NPEPPS: variants seen among roughly 807,000 people sequenced by gnomAD.
The protein encoded by NPEPPS is puromycin-sensitive aminopeptidase.
A neutral mutation model predicts 115.5 loss-of-function variants in NPEPPS; 14 were observed. The observed-to-expected ratio is 0.12, with a 90% CI of 0.08 to 0.19. The LOEUF (loss-of-function observed/expected upper bound fraction) is 0.19, where lower values mean the gene tolerates loss of function less well. Among genes scored for constraint, NPEPPS ranks in the 10% least tolerant of loss-of-function variants. The probability of loss-of-function intolerance (pLI) is 1.00; values close to 1 mark genes in which losing one functional copy is unlikely to be tolerated. For missense variants in NPEPPS, 523 were observed against 1,110.8 expected, an observed-to-expected ratio of 0.47 and a Z score of 7.52; for synonymous variants, 285 against 390.6, an observed-to-expected ratio of 0.73 and a Z score of 3.19.
intron 3 of NPEPPS, among the ~76,000 whole-genome samples, chr17:47,574,597 G>A (rs890020367): frequency 1.1e-4 from 17 of 151,918 alleles, no homozygotes; most frequent in Admixed American, 5.9e-4. Flanking sequence ...AACCTTTTGA[G>A]GTAGATTTGT....
upstream of NPEPPS, among the ~76,000 whole-genome samples, chr17:47,528,320 G>A (rs1907522037): frequency 6.6e-6 from 1 of 151,976 alleles, no homozygotes; most frequent in African/African-American, 2.4e-5. Flanking sequence ...ATTATTATAT[G>A]TTATTTAAAT....
At chr17:47,528,287 G>A (rs1381471450), upstream of NPEPPS, among the ~76,000 whole-genome samples, 3 of 151,872 alleles carry the variant, frequency 2.0e-5, no homozygotes, top group Non-Finnish European at 4.4e-5. Context: ...GGGTGACAGA[G>A]GAGACTCCAG....
At chr17:47,604,830 T>A (rs1178589181) in intron 16 of NPEPPS, among the ~76,000 whole-genome samples, 1 of 152,242 alleles carries the variant, frequency 6.6e-6, no homozygotes, top group Non-Finnish European at 1.5e-5. Context: ...GGACTTTGAA[T>A]TTGTAGTGCC....
intron 16 of NPEPPS, 45 bp from the exon 17 acceptor site, chr17:47,605,288 G>A: frequency 7.0e-7 from 1 of 1,433,190 alleles, no homozygotes; most frequent in Non-Finnish European, 9.5e-7. Context: ...ATGTTTTTTG[G>A]TTTTGTTTGA....
chr17:47,545,824 G>C, intron 1 of NPEPPS, 85 bp from the exon 2 acceptor site: 1 of 1,471,136 alleles, frequency 6.8e-7, no homozygotes, highest in South Asian at 1.3e-5. Flanking sequence ...TGGGATTACA[G>C]GTGTGTGCCA....
chr17:47,586,907 A>T, intron 8 of NPEPPS: 1 of 395,082 alleles, frequency 2.5e-6, no homozygotes, highest in Non-Finnish European at 4.8e-6. Flanking sequence ...CACTCCCCTC[A>T]TTTAATGGAA....
intron 2 of NPEPPS, among the ~76,000 whole-genome samples, chr17:47,562,100 A>G (rs1330443882): frequency 6.6e-6 from 1 of 152,196 alleles, no homozygotes; most frequent in African/African-American, 2.4e-5. Flanking sequence ...GCACCTCTTC[A>G]TCTGCATTCT....
chr17:47,531,872 C>T (rs1409416935), intron 1 of NPEPPS, among the ~76,000 whole-genome samples: 1 of 152,158 alleles, frequency 6.6e-6, no homozygotes, highest in Admixed American at 6.5e-5. Flanking sequence ...GGCTTTCCCC[C>T]CCGCCCCGGA....
chr17:47,610,532 C>A (rs193235509), intron 17 of NPEPPS, among the ~76,000 whole-genome samples: 13 of 151,408 alleles, frequency 8.6e-5, no homozygotes, highest in Non-Finnish European at 7.4e-5. Context: ...TACAGGTGCA[C>A]GCCACCACGC....
intron 1 of NPEPPS, among the ~76,000 whole-genome samples, chr17:47,531,881 G>A (rs1907807325): frequency 1.3e-5 from 2 of 152,172 alleles, no homozygotes; most frequent in South Asian, 4.1e-4. Context: ...CCCCGCCCCG[G>A]ACCCTTCTGG....
chr17:47,548,731 C>T (rs1909420205), intron 2 of NPEPPS, among the ~76,000 whole-genome samples: 1 of 151,532 alleles, frequency 6.6e-6, no homozygotes, highest in Admixed American at 6.6e-5. Context: ...CGTGTGCCAC[C>T]ACACCCGGCT....
intron 3 of NPEPPS, among the ~76,000 whole-genome samples, chr17:47,569,743 G>A (rs1479991749): frequency 1.3e-5 from 2 of 151,772 alleles, no homozygotes; most frequent in Non-Finnish European, 2.9e-5. Flanking sequence ...TCGGCCTCCC[G>A]AGTAGCTGGG....
chr17:47,538,514 C>T (rs1382122574), intron 1 of NPEPPS, among the ~76,000 whole-genome samples: 1 of 146,858 alleles, frequency 6.8e-6, no homozygotes, highest in Non-Finnish European at 1.5e-5. Flanking sequence ...GCGCCTAGTC[C>T]ATATCTGTTT....
chr17:47,615,055 A>G (rs928446294), intron 19 of NPEPPS, among the ~76,000 whole-genome samples: 5 of 148,862 alleles, frequency 3.4e-5, no homozygotes, highest in African/African-American at 1.2e-4. Context: ...CCCATGTTGT[A>G]ATAGGTTTAC....
chr17:47,550,681 G>A (rs1182841285), intron 2 of NPEPPS, among the ~76,000 whole-genome samples: 1 of 146,412 alleles, frequency 6.8e-6, no homozygotes, highest in East Asian at 2.0e-4. Flanking sequence ...AGGCTGCAGT[G>A]CGATGGCATG....
intron 2 of NPEPPS, among the ~76,000 whole-genome samples, chr17:47,562,905 C>A (rs1422344320): frequency 6.6e-6 from 1 of 151,634 alleles, no homozygotes; most frequent in Non-Finnish European, 1.5e-5. Flanking sequence ...TTTTTTAAAA[C>A]GTGGTCTTTA....
At chr17:47,556,790 T>C (rs1163056195) in intron 2 of NPEPPS, among the ~76,000 whole-genome samples, 2 of 152,146 alleles carry the variant, frequency 1.3e-5, no homozygotes. Context: ...ACTACAGATG[T>C]AGGCCACCAC....
chr17:47,528,372 A>G (rs1222508795), upstream of NPEPPS, among the ~76,000 whole-genome samples: 1 of 152,162 alleles, frequency 6.6e-6, no homozygotes, highest in Non-Finnish European at 1.5e-5. Flanking sequence ...AACTACATAT[A>G]TATAAGAAAA....
upstream of NPEPPS, among the ~76,000 whole-genome samples, chr17:47,530,101 T>TA (rs1907628727): frequency 1.3e-4 from 1 of 7,826 alleles, no homozygotes; most frequent in Non-Finnish European, 5.7e-4. Flanking sequence ...CAAGCCCGGC[T>TA]ATTTTTTTTT....
Sources: allele counts gnomAD v4.1 joint callset (sites outside exome capture counted in the v4.1 genomes callset), GRCh38; gene constraint gnomAD v4.1.1; transcripts MANE v1.5; gene names NCBI Gene and HGNC (gene_info 2026-07-23, HGNC 2026-07-21).